CPAMD8: variants seen among roughly 807,000 people sequenced by gnomAD.
The protein encoded by CPAMD8 is C3 and PZP like alpha-2-macroglobulin domain containing 8, also known as C3 and PZP-like alpha-2-macroglobulin domain-containing protein 8.
CPAMD8 carries 146 observed loss-of-function variants against 224.7 expected under a neutral mutation model. The ratio of observed to expected loss-of-function variants is 0.65; its 90% CI spans 0.57 to 0.75. CPAMD8 has a LOEUF of 0.75. Ranked by LOEUF, CPAMD8 falls within the 30% of genes least tolerant of loss-of-function variation. The probability of loss-of-function intolerance (pLI) is 0.00; values close to 1 mark genes in which losing one functional copy is unlikely to be tolerated. For missense variants in CPAMD8, 2,301 were observed against 2,537.5 expected (o/e 0.91, Z 2.00); for synonymous variants, 966 against 1,044.6 (o/e 0.92, Z 1.45).
chr19:16,926,974 G>A (rs142841650), intron 25 of CPAMD8, among the ~76,000 whole-genome samples: 31 of 152,014 alleles, frequency 2.0e-4, no homozygotes, highest in Non-Finnish European at 4.1e-4. Flanking sequence ...AGAGAGCCTC[G>A]ACACCCTCAT....
intron 15 of CPAMD8, among the ~76,000 whole-genome samples, chr19:16,976,664 C>T (rs375940051): frequency 2.0e-5 from 3 of 151,956 alleles, no homozygotes; most frequent in South Asian, 2.1e-4. Flanking sequence ...CATTGTGCAG[C>T]GGGCACAAAG....
intron 13 of CPAMD8, among the ~76,000 whole-genome samples, chr19:16,982,267 C>T (rs188851174): frequency 6.6e-6 from 1 of 151,954 alleles, no homozygotes; most frequent in Admixed American, 6.6e-5. Flanking sequence ...GTGGTGGGTG[C>T]CTGTGGTCTC....
intron 14 of CPAMD8, among the ~76,000 whole-genome samples, chr19:16,978,919 T>C (rs546890345): frequency 3.1e-4 from 47 of 151,062 alleles, no homozygotes; most frequent in African/African-American, 1.0e-3. Context: ...TCATCATCCA[T>C]CATCCACCCA....
intron 30 of CPAMD8, among the ~76,000 whole-genome samples, chr19:16,906,390 CTTTCTTTCT>C (rs1568459640): frequency 5.0e-3 from 390 of 78,428 alleles, no homozygotes; most frequent in Non-Finnish European, 8.3e-3. Context: ...TTCTTTCTTT[CTTTCTTTCT>C]TTCTTTCTTT....
chr19:16,983,507 C>T (rs1465433207), intron 13 of CPAMD8, among the ~76,000 whole-genome samples: 10 of 152,032 alleles, frequency 6.6e-5, no homozygotes, highest in Non-Finnish European at 1.5e-5. Flanking sequence ...GACTAATATA[C>T]TGAGTGACAG....
At chr19:16,961,985 T>C (rs1014639222) in intron 18 of CPAMD8, among the ~76,000 whole-genome samples, 1 of 152,004 alleles carries the variant, frequency 6.6e-6, no homozygotes, top group Admixed American at 6.6e-5. Flanking sequence ...CAGAAAGGAA[T>C]AGCATCAACA....
chr19:16,991,728 G>C (rs1438441534), intron 12 of CPAMD8, among the ~76,000 whole-genome samples: 1 of 151,928 alleles, frequency 6.6e-6, no homozygotes, highest in African/African-American at 2.4e-5. Context: ...GGTGGGGGGC[G>C]CCTGTAATCC....
intron 18 of CPAMD8, among the ~76,000 whole-genome samples, chr19:16,965,440 G>T (rs1235014126): frequency 1.3e-5 from 2 of 152,136 alleles, no homozygotes; most frequent in African/African-American, 4.8e-5. Flanking sequence ...ACAAGACAAG[G>T]ATGCCCTCTC....
chr19:16,981,417 A>G (rs757070449), intron 13 of CPAMD8, among the ~76,000 whole-genome samples: 12 of 152,228 alleles, frequency 7.9e-5, no homozygotes, highest in East Asian at 1.9e-4. Flanking sequence ...TAATGCCACA[A>G]GTGGGCTGGG....
chr19:17,019,752 A>C (rs2056903549), intron 3 of CPAMD8, among the ~76,000 whole-genome samples: 1 of 148,866 alleles, frequency 6.7e-6, no homozygotes, highest in East Asian at 2.0e-4. Context: ...TTTTTTTTGT[A>C]GAGACAGGAT....
chr19:16,999,596 A>G lies in CPAMD8; in HGVS notation c.867+818T>C, dbSNP rs868346422. Among the ~76,000 whole-genome samples the G allele has an allele frequency of 2.3e-3, 339 of 150,180 alleles. 3 individuals carry two copies. Among genetic ancestry groups the G allele is most frequent in the African/African-American group, 7.9e-3 (323 of 40,758 alleles). ...CAAGACTCCATCTCCAAAAAAAAAA[A>G]AAAAGAAAAGAAAACCATCAAGCTG... On this transcript the variant is annotated intron_variant, in intron 10 of 41. Coordinates refer to ENST00000443236, the MANE Select transcript of CPAMD8 (RefSeq NM_015692.5).
chr19:16,957,958 A>G, intron 18 of CPAMD8, 43 bp from the exon 19 acceptor site: 1 of 1,569,592 alleles, frequency 6.4e-7, no homozygotes, highest in Non-Finnish European at 8.7e-7. Context: ...TCATGAACAT[A>G]ACAAATCTTA....
At chr19:17,020,468 C>G (rs977672532) in intron 2 of CPAMD8, 115 bp from the exon 3 acceptor site, 2 of 745,208 alleles carry the variant, frequency 2.7e-6, no homozygotes, top group Non-Finnish European at 4.7e-6. Flanking sequence ...TTCATGTGGA[C>G]AAACACACCC....
chr19:16,925,674 C>T (rs1396696339), intron 25 of CPAMD8, among the ~76,000 whole-genome samples: 3 of 152,178 alleles, frequency 2.0e-5, no homozygotes, highest in African/African-American at 7.2e-5. Context: ...TATACATTGG[C>T]CTCTAAGTAC....
intron 19 of CPAMD8, 22 bp from the exon 20 acceptor site, chr19:16,952,222 T>G: frequency 7.4e-7 from 1 of 1,355,440 alleles, no homozygotes; most frequent in Non-Finnish European, 1.0e-6. Flanking sequence ...CAGACAGCCA[T>G]GATGGGGGGC....
At chr19:16,938,027 T>C (rs1005409853) in intron 23 of CPAMD8, among the ~76,000 whole-genome samples, 1 of 152,316 alleles carries the variant, frequency 6.6e-6, no homozygotes, top group Middle Eastern at 3.4e-3. Context: ...CTTCAAATGA[T>C]CCACCTTCCT....
intron 25 of CPAMD8, 73 bp from the exon 26 acceptor site, chr19:16,925,445 G>A: frequency 8.0e-7 from 1 of 1,243,516 alleles, no homozygotes; most frequent in East Asian, 2.3e-5. Flanking sequence ...GCTTTACCCA[G>A]GGATGGGAGA....
chr19:16,996,444 A>T (rs1327453504), intron 11 of CPAMD8, among the ~76,000 whole-genome samples: 1 of 152,122 alleles, frequency 6.6e-6, no homozygotes, highest in Non-Finnish European at 1.5e-5. Context: ...AAAATGTCAC[A>T]TGGGTCTGCA....
chr19:16,962,196 A>G (rs929703705), intron 18 of CPAMD8, among the ~76,000 whole-genome samples: 9 of 152,320 alleles, frequency 5.9e-5, no homozygotes, highest in Non-Finnish European at 1.2e-4. Context: ...TGACTTTGAC[A>G]AATTGACAGA....
Sources: allele counts gnomAD v4.1 joint callset (sites outside exome capture counted in the v4.1 genomes callset), GRCh38; gene constraint gnomAD v4.1.1; transcripts MANE v1.5; gene names NCBI Gene and HGNC (gene_info 2026-07-23, HGNC 2026-07-21).